The following N4BP2 variants were observed in gnomAD, a reference collection of about 807,000 sequenced individuals.
N4BP2 encodes the protein NEDD4 binding protein 2.
In N4BP2, 91 loss-of-function variants were observed where a neutral mutation model predicts 152.8. That is an observed-to-expected ratio of 0.60 (90% CI 0.50 to 0.71). The LOEUF is 0.71. Among genes scored for constraint, N4BP2 ranks in the 30% least tolerant of loss-of-function variants. The pLI is 0.00. For synonymous variants in N4BP2, 646 were observed against 705.3 expected (o/e 0.92, Z 1.33); for missense variants, 1,923 against 2,059.1 (o/e 0.93, Z 1.28).
chr4:40,114,389 T>G (rs13106923), intron 7 of N4BP2, among the ~76,000 whole-genome samples: 27,542 of 152,164 alleles, frequency 0.18, 3,128 homozygotes, highest in Admixed American at 0.26. Context: ...GTTACTCTAG[T>G]TCCCCCCTCC....
chr4:40,163,685 G>T, the N4BP2 span, among the ~76,000 whole-genome samples: 43,968 of 152,124 alleles, frequency 0.29, 6,568 homozygotes, highest in South Asian at 0.46. Flanking sequence ...AGGATGGTGA[G>T]TGTAGAGAAG....
In N4BP2 at chr4:40,142,869, G is replaced by A. The variant is rs370069831; in HGVS notation, c.4974+8G>A. ...ACCTTTTATGCCCAGCAGGTAAAGT[G>A]GAAAACTGATTATATATTTTTTGTC... On this transcript the variant is annotated splice_region_variant and intron_variant, in intron 15 of 17. Coordinates refer to ENST00000261435, the MANE Select transcript of N4BP2 (RefSeq NM_018177.6). 6 of 1,611,426 alleles carry A rather than the reference G, an allele frequency of 3.7e-6. No individual in the cohort carries two copies. In the African/African-American group the frequency reaches 6.7e-5, roughly 18 times the overall value.
intron 2 of N4BP2, among the ~76,000 whole-genome samples, chr4:40,077,473 A>T (rs1712869206): frequency 2.1e-5 from 2 of 95,112 alleles, no homozygotes; most frequent in East Asian, 3.1e-4. Flanking sequence ...TTTTTTTTTG[A>T]GACTGAGTCT....
intron 2 of N4BP2, among the ~76,000 whole-genome samples, chr4:40,080,613 G>A (rs1474238352): frequency 6.6e-6 from 1 of 151,468 alleles, no homozygotes; most frequent in African/African-American, 2.4e-5. Flanking sequence ...GGGATTACAG[G>A]CGTGAACCAC....
chr4:40,114,325 A>G (rs957969336), intron 7 of N4BP2, among the ~76,000 whole-genome samples: 4 of 152,142 alleles, frequency 2.6e-5, no homozygotes, highest in South Asian at 2.1e-4. Flanking sequence ...CATCACCCCT[A>G]TGTAATTTCA....
intron 4 of N4BP2, among the ~76,000 whole-genome samples, chr4:40,104,766 G>T (rs1022444481): frequency 6.6e-6 from 1 of 151,432 alleles, no homozygotes; most frequent in Admixed American, 6.6e-5. Flanking sequence ...TGAAGAGAGA[G>T]AAATAACAGG....
chr4:40,066,152 A>G (rs564595381), intron 1 of N4BP2, among the ~76,000 whole-genome samples: 8 of 151,770 alleles, frequency 5.3e-5, no homozygotes, highest in African/African-American at 1.7e-4. Flanking sequence ...GATGGTGTCA[A>G]TCCCTTGACC....
chr4:40,098,817 T>A (rs942744587), intron 3 of N4BP2, among the ~76,000 whole-genome samples: 1 of 152,156 alleles, frequency 6.6e-6, no homozygotes, highest in Non-Finnish European at 1.5e-5. Flanking sequence ...ACAAAAAAAC[T>A]TTTTTGTTTT....
intron 16 of N4BP2, among the ~76,000 whole-genome samples, chr4:40,146,052 C>T (rs1057342882): frequency 3.9e-5 from 6 of 152,062 alleles, no homozygotes; most frequent in Non-Finnish European, 5.9e-5. Context: ...ATCCCAGCCA[C>T]TTGGGAGGCT....
At chr4:40,124,116 T>C in intron 10 of N4BP2, 44 bp from the exon 11 acceptor site, 3 of 1,511,584 alleles carry the variant, frequency 2.0e-6, no homozygotes, top group East Asian at 2.3e-5. Flanking sequence ...TGTTTACTAA[T>C]GCACTCCCTG....
At chr4:40,108,195 A>C (rs1716510060) in intron 5 of N4BP2, among the ~76,000 whole-genome samples, 1 of 152,052 alleles carries the variant, frequency 6.6e-6, no homozygotes, top group African/African-American at 2.4e-5. Context: ...CGGCCTCTGA[A>C]AGTCCTGGGA....
At chr4:40,080,170 G>A (rs1416621774) in intron 2 of N4BP2, among the ~76,000 whole-genome samples, 1 of 151,864 alleles carries the variant, frequency 6.6e-6, no homozygotes, top group Non-Finnish European at 1.5e-5. Flanking sequence ...GTATTAATAA[G>A]GAGGCTCTCA....
Position 40,123,121 on chromosome 4 carries a change from C to G in N4BP2, c.4199-6C>G, listed in dbSNP as rs1478452270. ...ACATTTTCTTCCCTCCCCCTTCCCC[C>G]ACAAGGGTCTCTAACAGTTGAAGAT... On this transcript the variant is annotated splice_region_variant and splice_polypyrimidine_tract_variant and intron_variant, in intron 9 of 17. Coordinates refer to ENST00000261435, the MANE Select transcript of N4BP2 (RefSeq NM_018177.6). 6.3e-7 allele frequency: 1 copy of G among 1,589,076 alleles called. No individual in the cohort carries two copies. The highest frequency in any genetic ancestry group is 8.6e-7 in the Non-Finnish European group (1 of 1,162,536).
In N4BP2 at chr4:40,097,332, G is replaced by A; in HGVS notation, c.-9G>A. ...AGAAAAGGGAAACATTTTAGTTTTG[G>A]AAGTCAGAATGCCAAGGAGAAGGAA... is the stretch of plus-strand genomic sequence containing the variant. On this transcript the variant is annotated 5_prime_UTR_variant, in exon 3 of 18. Transcript: ENST00000261435. The A allele has an allele frequency of 1.2e-6, 2 of 1,608,236 alleles. No individual in the cohort carries two copies. Among genetic ancestry groups the A allele is most frequent in the Non-Finnish European group, 1.7e-6 (2 of 1,175,396 alleles).
chr4:40,077,599 A>AC (rs1712888100), intron 2 of N4BP2, among the ~76,000 whole-genome samples: 1 of 151,820 alleles, frequency 6.6e-6, no homozygotes. Context: ...AATTACAGGC[A>AC]CCGGCCACCA....
intron 2 of N4BP2, among the ~76,000 whole-genome samples, chr4:40,095,105 T>TG (rs1211352551): frequency 6.6e-6 from 1 of 151,632 alleles, no homozygotes; most frequent in Admixed American, 6.6e-5. Flanking sequence ...TTTTTTGAGA[T>TG]GGAGTTTTGC....
intron 1 of N4BP2, among the ~76,000 whole-genome samples, chr4:40,059,082 A>G (rs1733453233): frequency 6.6e-6 from 1 of 152,034 alleles, no homozygotes; most frequent in Admixed American, 6.6e-5. Flanking sequence ...CCGCCTCCCA[A>G]AGTGCTGGGA....
intron 6 of N4BP2, among the ~76,000 whole-genome samples, chr4:40,113,179 A>C (rs1717045327): frequency 6.6e-6 from 1 of 152,214 alleles, no homozygotes; most frequent in African/African-American, 2.4e-5. Flanking sequence ...TGTTACAAAT[A>C]CTGGAAAACT....
chr4:40,107,787 A>G (rs1423727702), intron 5 of N4BP2, among the ~76,000 whole-genome samples: 2 of 152,168 alleles, frequency 1.3e-5, no homozygotes, highest in Non-Finnish European at 2.9e-5. Flanking sequence ...TAAGGATTCA[A>G]AGAGTTAATT....
Sources: gnomAD v4.1 joint callset for allele counts (sites outside exome capture counted in the v4.1 genomes callset) on GRCh38, gnomAD v4.1.1 for gene constraint, MANE v1.5 for transcripts, NCBI Gene and HGNC (gene_info 2026-07-23, HGNC 2026-07-21) for gene names.